The following MAGI2 variants were observed in gnomAD, a reference collection of about 807,000 sequenced individuals.
MAGI2 encodes the protein membrane-associated guanylate kinase, WW and PDZ domain-containing protein 2.
In MAGI2, 35 loss-of-function variants were observed where a neutral mutation model predicts 133.3. The ratio of observed to expected loss-of-function variants is 0.26; its 90% CI spans 0.20 to 0.35. MAGI2 has a LOEUF of 0.35. Among genes scored for constraint, MAGI2 ranks in the 10% least tolerant of loss-of-function variants. The pLI is 1.00. For synonymous variants in MAGI2, 729 were observed against 710.6 expected (o/e 1.03, Z -0.41); for missense variants, 1,636 against 1,863.4 (o/e 0.88, Z 2.25).
chr7:78,246,532 C>G lies in MAGI2; in HGVS notation c.2047+9411G>C, dbSNP rs902453641. Among the ~76,000 whole-genome samples, 10 of 152,170 alleles carry G rather than the reference C, an allele frequency of 6.6e-5. No homozygotes were observed. The East Asian group carries it at 1.9e-3, about 29-fold the overall frequency. On this transcript the variant is annotated intron_variant, in intron 10 of 21. Transcript: ENST00000354212. ...CCTCCTTCCCTGGAGTCAAACCAGC[C>G]CCTTAGAGTCTGAGCTGCTGAGACA...
intron 14 of MAGI2, chr7:78,171,028 T>C (rs1339642832): frequency 6.6e-6 from 1 of 152,246 alleles, no homozygotes; most frequent in Non-Finnish European, 1.5e-5. Flanking sequence ...GCTGACCACT[T>C]GCACCGTCAC....
At chr7:79,134,522 C>T (rs1276216119) in intron 1 of MAGI2, among the ~76,000 whole-genome samples, 1 of 152,128 alleles carries the variant, frequency 6.6e-6, no homozygotes, top group Non-Finnish European at 1.5e-5. Context: ...AGTCCATCAT[C>T]TCAACTGGAA....
chr7:78,734,324 C>T (rs1026188885), intron 2 of MAGI2, among the ~76,000 whole-genome samples: 7 of 152,038 alleles, frequency 4.6e-5, no homozygotes, highest in Non-Finnish European at 1.0e-4. Context: ...CCATTCAATA[C>T]CACTCAAAAG....
intron 2 of MAGI2, among the ~76,000 whole-genome samples, chr7:78,663,101 CA>C (rs1813152861): frequency 6.6e-6 from 1 of 151,810 alleles, no homozygotes; most frequent in Non-Finnish European, 1.5e-5. Context: ...TTTGAACACA[CA>C]AGCATGTAAG....
intron 3 of MAGI2, among the ~76,000 whole-genome samples, chr7:78,553,989 T>TA (rs1484497900): frequency 6.6e-6 from 1 of 152,202 alleles, no homozygotes; most frequent in Admixed American, 6.5e-5. Context: ...GTCTGCTCCA[T>TA]AAAATCTGTT....
chr7:79,332,188 G>A (rs896736083), intron 1 of MAGI2, among the ~76,000 whole-genome samples: 1 of 152,132 alleles, frequency 6.6e-6, no homozygotes, highest in Non-Finnish European at 1.5e-5. Context: ...GCAAAAGCAG[G>A]TTCTCATACA....
chr7:79,209,516 G>T (rs1417458073), intron 1 of MAGI2, among the ~76,000 whole-genome samples: 1 of 151,910 alleles, frequency 6.6e-6, no homozygotes, highest in East Asian at 1.9e-4. Flanking sequence ...CTCTAGCAAT[G>T]CCAAAATGCT....
chr7:79,344,262 C>T (rs1362994835), intron 1 of MAGI2, among the ~76,000 whole-genome samples: 6 of 151,768 alleles, frequency 4.0e-5, no homozygotes, highest in South Asian at 4.2e-4. Context: ...ACATCAATAA[C>T]ATCTGAAGAC....
At chr7:78,585,296 C>A (rs2150824006) in intron 3 of MAGI2, among the ~76,000 whole-genome samples, 1 of 152,266 alleles carries the variant, frequency 6.6e-6, no homozygotes, top group East Asian at 1.9e-4. Flanking sequence ...ACACCGGTAA[C>A]TTCACTTTGG....
intron 6 of MAGI2, among the ~76,000 whole-genome samples, chr7:78,422,169 G>A (rs1055270706): frequency 1.3e-5 from 2 of 152,110 alleles, no homozygotes; most frequent in African/African-American, 4.8e-5. Flanking sequence ...AGCAGCTGCA[G>A]GGCACAGGGC....
intron 1 of MAGI2, among the ~76,000 whole-genome samples, chr7:79,029,954 G>T (rs539840511): frequency 2.0e-5 from 3 of 152,078 alleles, no homozygotes; most frequent in Non-Finnish European, 4.4e-5. Context: ...ACAGAAAAGG[G>T]CATATCCCCA....
intron 5 of MAGI2, among the ~76,000 whole-genome samples, chr7:78,501,210 G>T (rs1794588680): frequency 6.6e-6 from 1 of 152,092 alleles, no homozygotes; most frequent in South Asian, 2.1e-4. Flanking sequence ...AACTAGCTTA[G>T]ATAATAGGAA....
chr7:78,790,035 A>T (rs1827130386), intron 2 of MAGI2, among the ~76,000 whole-genome samples: 4 of 152,206 alleles, frequency 2.6e-5, no homozygotes. Context: ...TGATCAACTG[A>T]TAGATCAATA....
intron 20 of MAGI2, among the ~76,000 whole-genome samples, chr7:78,082,828 G>T (rs1816129431): frequency 1.3e-5 from 2 of 152,166 alleles, no homozygotes; most frequent in African/African-American, 4.8e-5. Flanking sequence ...ACTCAGTCCA[G>T]ACCTGGCTTC....
At chr7:79,436,373 G>A (rs770152650) in intron 1 of MAGI2, among the ~76,000 whole-genome samples, 13 of 152,232 alleles carry the variant, frequency 8.5e-5, no homozygotes, top group Non-Finnish European at 1.5e-4. Flanking sequence ...CAACTAAAGA[G>A]CTTGTGCATA....
At chr7:79,352,747 A>T (rs1224533384) in intron 1 of MAGI2, among the ~76,000 whole-genome samples, 1 of 152,200 alleles carries the variant, frequency 6.6e-6, no homozygotes, top group Non-Finnish European at 1.5e-5. Context: ...TTAAGAGTAC[A>T]ACTAATATGT....
At chr7:78,078,786 G>T in intron 21 of MAGI2, 161 bp downstream of exon 21, 1 of 705,716 alleles carries the variant, frequency 1.4e-6, no homozygotes, top group Non-Finnish European at 2.4e-6. Context: ...GTGTGTGTGT[G>T]TATGTGTGTG....
intron 1 of MAGI2, among the ~76,000 whole-genome samples, chr7:79,416,520 A>G (rs1846525265): frequency 6.6e-6 from 1 of 152,056 alleles, no homozygotes; most frequent in South Asian, 2.1e-4. Flanking sequence ...CTTATGTTAA[A>G]AATGCACTTC....
intron 2 of MAGI2, among the ~76,000 whole-genome samples, chr7:78,654,904 GA>G (rs1812003598): frequency 6.6e-6 from 1 of 151,490 alleles, no homozygotes; most frequent in Non-Finnish European, 1.5e-5. Flanking sequence ...CAATGTAATA[GA>G]AAAATGTTAT....
Sources: gnomAD v4.1 joint callset for allele counts (sites outside exome capture counted in the v4.1 genomes callset) on GRCh38, gnomAD v4.1.1 for gene constraint, MANE v1.5 for transcripts, NCBI Gene and HGNC (gene_info 2026-07-23, HGNC 2026-07-21) for gene names.